Variants in KIAA1217 observed in about 807,000 individuals in gnomAD.
KIAA1217 encodes the protein KIAA1217, also known as sickle tail protein homolog.
Under a neutral mutation model 163.9 loss-of-function variants are expected in KIAA1217, and 88 were observed. That is an observed-to-expected ratio of 0.54 (90% CI 0.45 to 0.64). KIAA1217 has a LOEUF of 0.64. Among genes scored for constraint, KIAA1217 ranks in the 30% least tolerant of loss-of-function variants. The pLI is 0.00. For missense variants in KIAA1217, 2,372 were observed against 2,475.0 expected, an observed-to-expected ratio of 0.96 and a Z score of 0.88; for synonymous variants, 903 against 923.1, an observed-to-expected ratio of 0.98 and a Z score of 0.39.
intron 1 of KIAA1217, among the ~76,000 whole-genome samples, chr10:23,738,280 G>A (rs1269736920): frequency 1.3e-5 from 2 of 152,072 alleles, no homozygotes; most frequent in Non-Finnish European, 2.9e-5. Context: ...CTAATGTCAA[G>A]TTTGCTTTTT....
intron 3 of KIAA1217, among the ~76,000 whole-genome samples, chr10:24,393,051 C>T (rs146903253): frequency 3.0e-4 from 46 of 152,040 alleles, no homozygotes; most frequent in African/African-American, 9.9e-4. Context: ...TTTTTAGCAC[C>T]GGCTTTTAAA....
intron 1 of KIAA1217, among the ~76,000 whole-genome samples, chr10:23,899,203 A>G (rs1042150119): frequency 1.3e-5 from 2 of 152,098 alleles, no homozygotes; most frequent in African/African-American, 4.8e-5. Context: ...AAACCTAGAA[A>G]ACTGCTGAAC....
chr10:23,717,226 T>C (rs567692969), intron 1 of KIAA1217, among the ~76,000 whole-genome samples: 22 of 152,284 alleles, frequency 1.4e-4, no homozygotes, highest in African/African-American at 5.3e-4. Context: ...GGTTGTCCCC[T>C]GTGCTTATGT....
chr10:24,351,711 G>C (rs905439375), intron 2 of KIAA1217, among the ~76,000 whole-genome samples: 1 of 152,184 alleles, frequency 6.6e-6, no homozygotes. Context: ...TAGATTAGTA[G>C]TAGTAAATTG....
chr10:23,951,050 A>G (rs1844314075), intron 1 of KIAA1217, among the ~76,000 whole-genome samples: 1 of 152,136 alleles, frequency 6.6e-6, no homozygotes, highest in Non-Finnish European at 1.5e-5. Context: ...AGTATAAGAG[A>G]TGAACAAACA....
rs188488604 is a variant in KIAA1217, at chr10:24,280,767, G to A, written c.354+60858G>A. Among the ~76,000 whole-genome samples the A allele has an allele frequency of 1.6e-4, 23 of 144,870 alleles. No individual in the cohort carries two copies. The East Asian group carries it at 2.6e-3, about 16-fold the overall frequency. ...GGAGCTTGCAGTGAGCAGAGATTGCGCCACTGCACTCCAGCCTGGGCAACA... is the reference window on the plus strand; with the variant it reads ...GGAGCTTGCAGTGAGCAGAGATTGCACCACTGCACTCCAGCCTGGGCAACA... On this transcript the variant is annotated intron_variant, in intron 2 of 20. Coordinates refer to ENST00000376454, the MANE Select transcript of KIAA1217 (RefSeq NM_019590.5).
Position 24,177,299 on chromosome 10 carries a change from T to TATAAA in KIAA1217, c.-170-42326_-170-42325insTAAAA, listed in dbSNP as rs1554894744. Among the ~76,000 whole-genome samples the TATAAA allele has an allele frequency of 2.1e-4, 10 of 46,918 alleles. No homozygotes were observed. In the South Asian group the frequency reaches 3.6e-3, roughly 17 times the overall value. 30.8% of individuals were successfully genotyped at this position (46,918 alleles called of 152,430 possible). ...TATATATATATATATATATATATAT[T>TATAAA]ACAATTTCTTTGTCATATATATCAC... On this transcript the variant is annotated intron_variant, in intron 2 of 18. Transcript: ENST00000376462.
intron 2 of KIAA1217, among the ~76,000 whole-genome samples, chr10:24,026,742 ATTTT>A: frequency 0.018 from 1,236 of 70,128 alleles, 15 homozygotes; most frequent in African/African-American, 0.038. Context: ...TATTTCATTG[ATTTT>A]TTTTTTTTTT....
At chr10:24,348,108 G>A (rs182883211) in intron 2 of KIAA1217, among the ~76,000 whole-genome samples, 10 of 152,296 alleles carry the variant, frequency 6.6e-5, no homozygotes, top group African/African-American at 2.2e-4. Flanking sequence ...TGTAATCCCA[G>A]CACTTTGGGA....
intron 1 of KIAA1217, among the ~76,000 whole-genome samples, chr10:23,963,468 G>A (rs1309899273): frequency 1.3e-5 from 2 of 152,120 alleles, no homozygotes; most frequent in African/African-American, 4.8e-5. Context: ...TGGCTGTAGA[G>A]TATTCCATGG....
intron 9 of KIAA1217, among the ~76,000 whole-genome samples, chr10:24,512,995 G>A (rs1007431057): frequency 6.6e-6 from 1 of 152,214 alleles, no homozygotes; most frequent in East Asian, 1.9e-4. Context: ...GTTTACGCCT[G>A]TTGTCCATGA....
chr10:23,991,000 C>A (rs1232318515), intron 1 of KIAA1217, among the ~76,000 whole-genome samples: 2 of 152,066 alleles, frequency 1.3e-5, no homozygotes, highest in African/African-American at 4.8e-5. Context: ...TGGAACCTAC[C>A]CTTTGAAAAT....
At chr10:24,323,256 T>C (rs945159790) in intron 2 of KIAA1217, among the ~76,000 whole-genome samples, 2 of 152,204 alleles carry the variant, frequency 1.3e-5, no homozygotes, top group Admixed American at 1.3e-4. Context: ...AGCCCTTTTG[T>C]TTCTTCAAGG....
chr10:23,990,515 A>G (rs1391049917), intron 1 of KIAA1217, among the ~76,000 whole-genome samples: 4 of 151,966 alleles, frequency 2.6e-5, no homozygotes, highest in Admixed American at 1.3e-4. Context: ...CTCCTAATTC[A>G]GTTTCTGTGG....
intron 1 of KIAA1217, among the ~76,000 whole-genome samples, chr10:23,735,049 T>C (rs1330144266): frequency 6.6e-6 from 1 of 152,110 alleles, no homozygotes; most frequent in Non-Finnish European, 1.5e-5. Context: ...GATAAACATT[T>C]GAGTTTAAAA....
chr10:23,832,111 C>T (rs577373288), intron 1 of KIAA1217, among the ~76,000 whole-genome samples: 5 of 152,270 alleles, frequency 3.3e-5, no homozygotes, highest in African/African-American at 9.6e-5. Flanking sequence ...TCCCACAAGA[C>T]TTCTCTCCGC....
chr10:24,211,999 C>T (rs1457460321), intron 1 of KIAA1217, among the ~76,000 whole-genome samples: 4 of 150,844 alleles, frequency 2.7e-5, no homozygotes, highest in South Asian at 2.1e-4. Flanking sequence ...GCCATGATTA[C>T]ACCACTGCAC....
chr10:24,253,250 G>A (rs2074761324), intron 2 of KIAA1217, among the ~76,000 whole-genome samples: 1 of 152,136 alleles, frequency 6.6e-6, no homozygotes, highest in South Asian at 2.1e-4. Context: ...ATAGAAGAGA[G>A]TTAGCTTTTG....
chr10:24,242,010 TA>T (rs1263266262), intron 2 of KIAA1217, among the ~76,000 whole-genome samples: 1 of 152,176 alleles, frequency 6.6e-6, no homozygotes, highest in Non-Finnish European at 1.5e-5. Context: ...TCCCATGAAT[TA>T]GGCTGCATTG....
Sources: allele counts gnomAD v4.1 joint callset (sites outside exome capture counted in the v4.1 genomes callset), GRCh38; gene constraint gnomAD v4.1.1; transcripts MANE v1.5; gene names NCBI Gene and HGNC (gene_info 2026-07-23, HGNC 2026-07-21).